Variants in PRKCH observed in about 807,000 individuals in gnomAD.
The protein encoded by PRKCH is protein kinase C eta type.
A neutral mutation model predicts 82.5 loss-of-function variants in PRKCH; 28 were observed. The observed-to-expected ratio is 0.34, with a 90% CI of 0.25 to 0.47. PRKCH has a LOEUF of 0.47. Among genes scored for constraint, PRKCH ranks in the 20% least tolerant of loss-of-function variants. PRKCH has a pLI of 1.00. For synonymous variants in PRKCH, 322 were observed against 327.4 expected (o/e 0.98, Z 0.18); for missense variants, 705 against 881.8 (o/e 0.80, Z 2.54).
chr14:61,233,401 A>G (rs563425487), intron 1 of PRKCH, among the ~76,000 whole-genome samples: 1 of 141,372 alleles, frequency 7.1e-6, no homozygotes, highest in Non-Finnish European at 1.5e-5. Context: ...AAAAAAAAAG[A>G]AAAAAAGAAA....
chr14:61,254,008 TC>T (rs2044973925), intron 1 of PRKCH, among the ~76,000 whole-genome samples: 4 of 64,950 alleles, frequency 6.2e-5, no homozygotes, highest in African/African-American at 2.1e-4. Flanking sequence ...CCTCCCTCCC[TC>T]CCTTCCTTCC....
At chr14:61,323,058 T>G (rs2045651172) in intron 1 of PRKCH, among the ~76,000 whole-genome samples, 2 of 152,004 alleles carry the variant, frequency 1.3e-5, no homozygotes, top group African/African-American at 2.4e-5. Flanking sequence ...GGAGATGAGA[T>G]TTACATATAC....
intron 1 of PRKCH, among the ~76,000 whole-genome samples, chr14:61,291,630 G>T (rs2045363676): frequency 6.6e-6 from 1 of 151,994 alleles, no homozygotes; most frequent in Non-Finnish European, 1.5e-5. Flanking sequence ...ATGCCCAGCT[G>T]CCCTCTGGTT....
chr14:61,251,501 G>A (rs1308272012), intron 1 of PRKCH, among the ~76,000 whole-genome samples: 1 of 152,140 alleles, frequency 6.6e-6, no homozygotes, highest in Non-Finnish European at 1.5e-5. Context: ...ATGACCTACT[G>A]TTCCATTCAT....
At chr14:61,275,008 T>C (rs2045189668) in intron 1 of PRKCH, among the ~76,000 whole-genome samples, 2 of 152,126 alleles carry the variant, frequency 1.3e-5, no homozygotes, top group South Asian at 4.1e-4. Context: ...TAGGAAAAAA[T>C]GAAAAGAATA....
chr14:61,413,255 G>A (rs1303926521), intron 2 of PRKCH, among the ~76,000 whole-genome samples: 7 of 152,042 alleles, frequency 4.6e-5, no homozygotes. Context: ...CCGTGATGCT[G>A]CATTTGGTTC....
intron 10 of PRKCH, among the ~76,000 whole-genome samples, chr14:61,527,008 G>A (rs2042973926): frequency 6.6e-6 from 1 of 152,250 alleles, no homozygotes; most frequent in African/African-American, 2.4e-5. Flanking sequence ...CTGTGCCTGT[G>A]AGGCTAGCAA....
chr14:61,508,523 A>G (rs1032113586), intron 10 of PRKCH, among the ~76,000 whole-genome samples: 14 of 152,110 alleles, frequency 9.2e-5, no homozygotes, highest in Admixed American at 5.9e-4. Flanking sequence ...GGGTAAAAGG[A>G]TCAGTTAAAT....
chr14:61,336,318 C>T (rs1188772746), intron 1 of PRKCH, among the ~76,000 whole-genome samples: 1 of 152,154 alleles, frequency 6.6e-6, no homozygotes, highest in Non-Finnish European at 1.5e-5. Flanking sequence ...TTTCTAGTTA[C>T]TGGTGGAAGA....
chr14:61,419,811 TTCTG>T (rs1352970028), intron 2 of PRKCH, among the ~76,000 whole-genome samples: 7 of 152,162 alleles, frequency 4.6e-5, no homozygotes, highest in East Asian at 1.9e-4. Context: ...CACTAAATAT[TTCTG>T]TCTATGTATT....
intron 1 of PRKCH, among the ~76,000 whole-genome samples, chr14:61,341,904 G>A (rs2045933836): frequency 6.6e-6 from 1 of 152,196 alleles, no homozygotes; most frequent in South Asian, 2.1e-4. Context: ...CAGAGGCTTT[G>A]TCTTGGTTCC....
intron 2 of PRKCH, among the ~76,000 whole-genome samples, chr14:61,412,166 C>A (rs78914678): frequency 3.0e-4 from 45 of 152,258 alleles, no homozygotes; most frequent in Non-Finnish European, 5.4e-4. Flanking sequence ...ACCAGATGTA[C>A]AAAGAAGCAA....
chr14:61,489,591 G>A (rs1279721078), intron 10 of PRKCH, among the ~76,000 whole-genome samples: 1 of 152,232 alleles, frequency 6.6e-6, no homozygotes, highest in Non-Finnish European at 1.5e-5. Context: ...TGGTTGGAGG[G>A]TCTGGAACCT....
In PRKCH at chr14:61,280,646, T is replaced by G; in HGVS notation, c.-19+92978T>G. On this transcript the variant is annotated intron_variant, in intron 1 of 3. Transcript: ENST00000555185. This position sits in a 1 kb window ranked among gnomAD's most constrained non-coding sequence, Gnocchi z 5.0. ...AGCGAGAAGGAGTCGTTGAAGAGGCTGTTGGCGATGGCGCCGCAGGGCGCG... is the reference window on the plus strand; with the variant it reads ...AGCGAGAAGGAGTCGTTGAAGAGGCGGTTGGCGATGGCGCCGCAGGGCGCG... 2 of 1,572,264 alleles carry G rather than the reference T, an allele frequency of 1.3e-6. No homozygotes were observed. Among genetic ancestry groups the G allele is most frequent in the Non-Finnish European group, 1.7e-6 (2 of 1,159,688 alleles).
intron 1 of PRKCH, among the ~76,000 whole-genome samples, chr14:61,231,788 A>G (rs1354577386): frequency 1.3e-5 from 2 of 152,118 alleles, no homozygotes; most frequent in Non-Finnish European, 2.9e-5. Context: ...TGCAAAATAC[A>G]AATCTGTTTA....
At chr14:61,355,997 G>A (rs1407668915) in intron 1 of PRKCH, among the ~76,000 whole-genome samples, 1 of 152,194 alleles carries the variant, frequency 6.6e-6, no homozygotes, top group Non-Finnish European at 1.5e-5. Flanking sequence ...AAAACAGCCT[G>A]CCGAGGAGGG....
intron 9 of PRKCH, among the ~76,000 whole-genome samples, chr14:61,465,372 C>T (rs1226283914): frequency 4.6e-5 from 7 of 152,140 alleles, no homozygotes; most frequent in Non-Finnish European, 8.8e-5. Flanking sequence ...ACATTTAAGT[C>T]TTTAGTCCAT....
intron 1 of PRKCH, among the ~76,000 whole-genome samples, chr14:61,216,086 G>C (rs1003179494): frequency 4.6e-5 from 7 of 152,172 alleles, no homozygotes; most frequent in Middle Eastern, 3.4e-3. Flanking sequence ...GCATTTCTGG[G>C]GCATTTCTCT....
At chr14:61,237,865 T>C (rs920325407) in intron 1 of PRKCH, among the ~76,000 whole-genome samples, 2 of 152,254 alleles carry the variant, frequency 1.3e-5, no homozygotes, top group African/African-American at 4.8e-5. Context: ...AAGCATGTCC[T>C]TAACCTTGGC....
Sources: allele counts gnomAD v4.1 joint callset (sites outside exome capture counted in the v4.1 genomes callset), GRCh38; gene constraint gnomAD v4.1.1; non-coding constraint Gnocchi (gnomAD v3.1); transcripts MANE v1.5; gene names NCBI Gene and HGNC (gene_info 2026-07-23, HGNC 2026-07-21).